Variants in CRY1 observed in about 807,000 individuals in gnomAD.
The protein encoded by CRY1 is cryptochrome-1.
In CRY1, 45 loss-of-function variants were observed where a neutral mutation model predicts 76.0. That is an observed-to-expected ratio of 0.59 (90% CI 0.47 to 0.76). CRY1 has a LOEUF of 0.76. CRY1 is among the 30% of genes least tolerant of loss of function. The probability of loss-of-function intolerance (pLI) is 0.00; values close to 1 mark genes in which losing one functional copy is unlikely to be tolerated. For synonymous variants in CRY1, 248 were observed against 244.0 expected (o/e 1.02, Z -0.15); for missense variants, 587 against 716.4 (o/e 0.82, Z 2.06).
chr12:107,051,215 AAAAC>A (rs937990364), intron 1 of CRY1, among the ~76,000 whole-genome samples: 11 of 152,328 alleles, frequency 7.2e-5, no homozygotes, highest in Non-Finnish European at 1.0e-4. Context: ...ATGTAGAGAA[AAAAC>A]AAACAAACAA....
At chr12:107,080,910 G>A (rs986295108) in intron 1 of CRY1, among the ~76,000 whole-genome samples, 1 of 152,064 alleles carries the variant, frequency 6.6e-6, no homozygotes, top group Admixed American at 6.6e-5. Flanking sequence ...CTGTTCCTTT[G>A]TTGTTACAGG....
At chr12:107,090,338 C>T (rs1264970414) in intron 1 of CRY1, among the ~76,000 whole-genome samples, 1 of 152,198 alleles carries the variant, frequency 6.6e-6, no homozygotes, top group African/African-American at 2.4e-5. Context: ...AGTGATCTGC[C>T]TGCCTCAGCC....
At chr12:107,008,737 CAT>C (rs1034264690) in intron 2 of CRY1, among the ~76,000 whole-genome samples, 33 of 152,294 alleles carry the variant, frequency 2.2e-4, no homozygotes, top group Middle Eastern at 6.8e-3. Context: ...ATAATCCCCA[CAT>C]GTCATGGGAG....
chr12:107,034,811 A>G (rs1434417454), intron 1 of CRY1, among the ~76,000 whole-genome samples: 1 of 152,182 alleles, frequency 6.6e-6, no homozygotes, highest in Non-Finnish European at 1.5e-5. Flanking sequence ...ATCGATACAG[A>G]AAAAAATAAA....
At chr12:107,074,395 G>A (rs543551730) in intron 1 of CRY1, among the ~76,000 whole-genome samples, 19 of 152,098 alleles carry the variant, frequency 1.2e-4, no homozygotes, top group Admixed American at 5.9e-4. Flanking sequence ...ATAAAAATAC[G>A]TGTCATTAAG....
intron 10 of CRY1, among the ~76,000 whole-genome samples, chr12:106,996,855 T>C (rs1263793493): frequency 6.6e-6 from 1 of 152,200 alleles, no homozygotes; most frequent in African/African-American, 2.4e-5. Context: ...CCAGACTTTA[T>C]AAGAAAAACT....
chr12:107,000,293 T>C lies in CRY1; in HGVS notation c.685-211A>G, dbSNP rs889804745. On this transcript the variant is annotated intron_variant, in intron 5 of 12. Transcript: ENST00000008527. ...GTCGTCCTTGTGCAGCACATACTCA[T>C]GTGAAATAAATTTCCTTCAAATTTC... is the stretch of plus-strand genomic sequence containing the variant. Among the ~76,000 whole-genome samples the C allele has an allele frequency of 3.3e-5, 5 of 152,086 alleles. No homozygotes were observed. In the South Asian group the frequency reaches 6.2e-4, roughly 19 times the overall value.
intron 1 of CRY1, among the ~76,000 whole-genome samples, chr12:107,063,660 C>T (rs1029583090): frequency 6.6e-6 from 1 of 152,032 alleles, no homozygotes; most frequent in Non-Finnish European, 1.5e-5. Context: ...TGCAGTGGTG[C>T]GATCTCGGCT....
At chr12:107,018,305 G>A (rs1366671879) in intron 2 of CRY1, among the ~76,000 whole-genome samples, 2 of 152,192 alleles carry the variant, frequency 1.3e-5, no homozygotes, top group Non-Finnish European at 2.9e-5. Context: ...ATGAGGCTGG[G>A]CACAGTGGCT....
chr12:107,091,428 G>A (rs1159464551), intron 1 of CRY1, among the ~76,000 whole-genome samples: 4 of 151,890 alleles, frequency 2.6e-5, no homozygotes, highest in African/African-American at 9.7e-5. Flanking sequence ...TTCTCACCAC[G>A]TCCACGATTA....
chr12:107,026,375 G>A (rs1593510949), intron 1 of CRY1, among the ~76,000 whole-genome samples: 1 of 150,914 alleles, frequency 6.6e-6, no homozygotes, highest in East Asian at 2.0e-4. Context: ...GGGATTACAG[G>A]AGTGTGCTAC....
At chr12:107,002,183 C>T (rs1344506561) in intron 3 of CRY1, among the ~76,000 whole-genome samples, 1 of 151,968 alleles carries the variant, frequency 6.6e-6, no homozygotes, top group African/African-American at 2.4e-5. Context: ...AAATATACTA[C>T]ACAAATATTA....
chr12:107,033,430 C>A (rs1952700193), intron 1 of CRY1, among the ~76,000 whole-genome samples: 1 of 152,142 alleles, frequency 6.6e-6, no homozygotes, highest in East Asian at 1.9e-4. Flanking sequence ...TTTACCTTGA[C>A]ACCAAAACCA....
intron 2 of CRY1, among the ~76,000 whole-genome samples, chr12:107,019,518 T>C (rs1339211022): frequency 6.6e-6 from 1 of 152,178 alleles, no homozygotes; most frequent in African/African-American, 2.4e-5. Flanking sequence ...ATACAGAAGA[T>C]AGTTTGGCCC....
intron 9 of CRY1, 27 bp downstream of exon 9, chr12:106,997,461 A>G: frequency 1.2e-6 from 2 of 1,613,210 alleles, no homozygotes; most frequent in Non-Finnish European, 8.5e-7. Context: ...ACAGCTGCCA[A>G]AGAAACAAAG....
At position 107,036,736 on chromosome 12, in the gene CRY1, A is replaced by G. The variant is rs142973132; in HGVS notation, c.159-14544T>C. On this transcript the variant is annotated intron_variant, in intron 1 of 12. Coordinates refer to ENST00000008527, the MANE Select transcript of CRY1 (RefSeq NM_004075.5). ...ATGTCCTCCTTGGGATCCTGTGAGC[A>G]TGCCAGAAATGCTCCTACTTCAGTA... Among the ~76,000 whole-genome samples, 657 of 152,256 alleles carry G rather than the reference A, an allele frequency of 4.3e-3. 2 individuals carry two copies. The highest frequency in any genetic ancestry group is 0.015 in the African/African-American group (630 of 41,540).
intron 1 of CRY1, among the ~76,000 whole-genome samples, chr12:107,040,169 T>C (rs1368453344): frequency 6.6e-6 from 1 of 151,536 alleles, no homozygotes; most frequent in African/African-American, 2.4e-5. Flanking sequence ...AAGCAGAGAA[T>C]ACATAGAATG....
intron 2 of CRY1, among the ~76,000 whole-genome samples, chr12:107,018,445 G>A (rs919215703): frequency 3.9e-5 from 6 of 152,138 alleles, no homozygotes; most frequent in Non-Finnish European, 7.4e-5. Flanking sequence ...AAATTAGCAA[G>A]GTGTGGTGGT....
At chr12:107,006,639 T>TTG in intron 2 of CRY1, among the ~76,000 whole-genome samples, 1 of 14,040 alleles carries the variant, frequency 7.1e-5, no homozygotes, top group South Asian at 2.6e-3. Context: ...ATTAGTAATC[T>TTG]TTTTTTTTTT....
Sources: allele counts gnomAD v4.1 joint callset (sites outside exome capture counted in the v4.1 genomes callset), GRCh38; gene constraint gnomAD v4.1.1; transcripts MANE v1.5; gene names NCBI Gene and HGNC (gene_info 2026-07-23, HGNC 2026-07-21).